CLTC: variants seen among roughly 807,000 people sequenced by gnomAD.
The protein encoded by CLTC is clathrin heavy chain, also known as clathrin heavy chain 1.
Under a neutral mutation model 195.8 loss-of-function variants are expected in CLTC, and 16 were observed. That is an observed-to-expected ratio of 0.08 (90% CI 0.06 to 0.12). CLTC has a LOEUF of 0.12. Ranked by LOEUF, CLTC falls within the 10% of genes least tolerant of loss-of-function variation. The probability of loss-of-function intolerance (pLI) is 1.00; values close to 1 mark genes in which losing one functional copy is unlikely to be tolerated. For synonymous variants in CLTC, 667 were observed against 689.4 expected, an observed-to-expected ratio of 0.97 and a Z score of 0.51; for missense variants, 796 against 2,027.0, an observed-to-expected ratio of 0.39 and a Z score of 11.66.
intron 14 of CLTC, among the ~76,000 whole-genome samples, chr17:59,669,736 AT>A (rs1364753555): frequency 1.0e-5 from 1 of 98,854 alleles, no homozygotes; most frequent in Non-Finnish European, 2.9e-5. Context: ...ATATATATAT[AT>A]AATGATTCCT....
chr17:59,664,958 G>A (rs1267913123), intron 10 of CLTC, 49 bp downstream of exon 10: 1 of 1,602,228 alleles, frequency 6.2e-7, no homozygotes, highest in East Asian at 2.2e-5. Context: ...AATGGAGAGT[G>A]GGGGCCAGCC....
At chr17:59,687,483 TG>T (rs2033208709) in intron 30 of CLTC, among the ~76,000 whole-genome samples, 1 of 150,554 alleles carries the variant, frequency 6.6e-6, no homozygotes, top group Non-Finnish European at 1.5e-5. Context: ...AAAGGCTTTT[TG>T]GGGTTTTTTT....
intron 6 of CLTC, among the ~76,000 whole-genome samples, chr17:59,660,008 T>C (rs1379752484): frequency 6.6e-6 from 1 of 152,234 alleles, no homozygotes; most frequent in Non-Finnish European, 1.5e-5. Context: ...ATTGAAGTCC[T>C]CAAGAAGTTT....
intron 14 of CLTC, among the ~76,000 whole-genome samples, chr17:59,669,957 G>T (rs1020325253): frequency 3.9e-5 from 6 of 152,048 alleles, no homozygotes; most frequent in African/African-American, 1.4e-4. Context: ...AACCCTTAGG[G>T]GTTTTAGTGT....
intron 15 of CLTC, among the ~76,000 whole-genome samples, chr17:59,674,148 G>GA (rs576442980): frequency 1.4e-3 from 212 of 147,020 alleles, no homozygotes; most frequent in African/African-American, 4.2e-3. Context: ...AGGGAAGGGG[G>GA]AAAAAAAAAA....
chr17:59,695,188 T>A lies in CLTC; in HGVS notation c.*1336T>A, dbSNP rs1036114851. On this transcript the variant is annotated 3_prime_UTR_variant, in exon 32 of 32. Transcript: ENST00000269122. The stretch of plus-strand genomic sequence containing the variant: ...TATCTTGATTTTTTTCAAAAATTGG[T>A]TGTGTGAATCCAGCTCTTGCTTATG... 5.0e-6 allele frequency: 1 copy of A among 200,090 alleles called. No individual in the cohort carries two copies. Among genetic ancestry groups the A allele is most frequent in the African/African-American group, 2.3e-5 (1 of 43,438 alleles). The allele number at this position is 200,090 out of a possible 1,614,324, so 12.4% of individuals were successfully genotyped here. A position where few individuals can be genotyped will look rare whatever the true frequency, so the allele number is the denominator to read the frequency against.
chr17:59,644,346 T>C lies in CLTC; in HGVS notation c.113T>C (p.Ile38Thr). Residue 38 changes from isoleucine (I) to threonine (T), a missense_variant, in exon 2 of 32, where the codon ATC (isoleucine) becomes ACC (threonine). Physicochemically the swap from Ile to Thr is moderately conservative, Grantham distance 89 (BLOSUM62 -1). Around this residue, in one of 9 missense-constraint regions of CLTC, gnomAD observed 293 missense variants for 795.6 expected, o/e 0.37. Transcript: ENST00000269122. ...CTGACTATGGAGTCTGACAAATTCA[T>C]CTGCATTAGAGAAAAAGTAGGAGAG... ...STLTMESDKFICIREKVGEQA... is the reference protein window; with the variant it reads ...STLTMESDKFTCIREKVGEQA... The C allele has an allele frequency of 6.2e-7, 1 of 1,614,090 alleles. No homozygotes were observed. Among genetic ancestry groups the C allele is most frequent in the Non-Finnish European group, 8.5e-7 (1 of 1,180,002 alleles).
chr17:59,692,002 G>T (rs1420211834), intron 31 of CLTC, among the ~76,000 whole-genome samples: 1 of 152,148 alleles, frequency 6.6e-6, no homozygotes, highest in Non-Finnish European at 1.5e-5. Flanking sequence ...TCATTATCAA[G>T]ATTAGGGATG....
intron 1 of CLTC, among the ~76,000 whole-genome samples, chr17:59,621,040 C>T (rs1020334398): frequency 2.6e-5 from 4 of 152,206 alleles, no homozygotes; most frequent in African/African-American, 9.7e-5. Flanking sequence ...GAACAGAGCC[C>T]TGGGGACAGC....
At chr17:59,635,354 T>C (rs751632777) in intron 1 of CLTC, among the ~76,000 whole-genome samples, 7 of 152,254 alleles carry the variant, frequency 4.6e-5, no homozygotes, top group Non-Finnish European at 1.0e-4. Flanking sequence ...AAATGAGTTA[T>C]ACTACAAATC....
chr17:59,667,168 G>A, intron 13 of CLTC, 191 bp downstream of exon 13: 1 of 413,876 alleles, frequency 2.4e-6, no homozygotes, highest in Non-Finnish European at 4.3e-6. Context: ...CAGTGAACCA[G>A]ACCATCTGTT....
intron 5 of CLTC, among the ~76,000 whole-genome samples, chr17:59,654,104 A>G (rs1230938740): frequency 6.6e-6 from 1 of 151,952 alleles, no homozygotes; most frequent in Non-Finnish European, 1.5e-5. Context: ...GCCTTAAGTG[A>G]TCCTTCTGCC....
chr17:59,682,824 TAAA>T lies in CLTC; in HGVS notation c.3765+32_3765+34del. On this transcript the variant is annotated intron_variant, in intron 23 of 31. Coordinates refer to ENST00000269122, the MANE Select transcript of CLTC (RefSeq NM_004859.4). This position sits in a 1 kb window ranked among gnomAD's most constrained non-coding sequence, Gnocchi z 6.8. ...CTAAACCCAAGTTTGAGTGAAGAAT[TAAA>T]GAAACGCTATTTAAACATTAGTTTA... The T allele has an allele frequency of 6.2e-7, 1 of 1,611,446 alleles. No individual in the cohort carries two copies.
chr17:59,650,860 C>T (rs2032311447), intron 4 of CLTC, among the ~76,000 whole-genome samples: 1 of 152,082 alleles, frequency 6.6e-6, no homozygotes, highest in Non-Finnish European at 1.5e-5. Context: ...ATGACTGTAG[C>T]GTCACACCCA....
chr17:59,629,669 C>T (rs920096977), intron 1 of CLTC, among the ~76,000 whole-genome samples: 13 of 151,510 alleles, frequency 8.6e-5, no homozygotes, highest in East Asian at 1.9e-4. Flanking sequence ...TACAGGTGCC[C>T]GCCACCATGC....
chr17:59,694,104 C>T lies in CLTC; in HGVS notation c.*252C>T, dbSNP rs2033369986. The T allele has an allele frequency of 3.2e-6, 1 of 308,620 alleles. No individual in the cohort carries two copies. Among genetic ancestry groups the T allele is most frequent in the Non-Finnish European group, 5.9e-6 (1 of 168,232 alleles). The allele number at this position is 308,620 out of a possible 1,614,324, so 19.1% of individuals were successfully genotyped here. On this transcript the variant is annotated 3_prime_UTR_variant, in exon 32 of 32. Transcript: ENST00000269122. ...TTATTCACTTGGGCTTTTTTTCTTC[C>T]CCCTCTTTCTTTAAAGAACTGCTCA... is the stretch of plus-strand genomic sequence containing the variant.
At chr17:59,623,220 G>A (rs16943700) in intron 1 of CLTC, among the ~76,000 whole-genome samples, 117,669 of 152,094 alleles carry the variant, frequency 0.77, 46,526 homozygotes, top group East Asian at 0.93. Context: ...ATGTGTTGTT[G>A]AGTCAAATGT....
chr17:59,665,766 G>A lies in CLTC; in HGVS notation c.1645-337G>A, dbSNP rs143348054. Among the ~76,000 whole-genome samples, 1,353 of 152,252 alleles carry A rather than the reference G, an allele frequency of 8.9e-3. 15 individuals carry two copies. The highest frequency in any genetic ancestry group is 0.029 in the African/African-American group (1,222 of 41,538). Reference sequence around the variant, plus strand: ...GAGGCAGGAGAATCGCTTGAACCCGGGAGGTGGAGGTTGCAGTGAGCTGAG... The same window carrying A: ...GAGGCAGGAGAATCGCTTGAACCCGAGAGGTGGAGGTTGCAGTGAGCTGAG... On this transcript the variant is annotated intron_variant, in intron 10 of 31. Coordinates refer to ENST00000269122, the MANE Select transcript of CLTC (RefSeq NM_004859.4).
intron 17 of CLTC, among the ~76,000 whole-genome samples, chr17:59,678,824 G>GC (rs1390655516): frequency 7.0e-6 from 1 of 143,830 alleles, no homozygotes; most frequent in Non-Finnish European, 1.5e-5. Flanking sequence ...AACATAGCGA[G>GC]CCCCCCGTCT....
Sources: allele counts gnomAD v4.1 joint callset (sites outside exome capture counted in the v4.1 genomes callset), GRCh38; gene constraint gnomAD v4.1.1; regional missense constraint gnomAD v4.1.1; non-coding constraint Gnocchi (gnomAD v3.1); transcripts MANE v1.5; gene names NCBI Gene and HGNC (gene_info 2026-07-23, HGNC 2026-07-21).